Variants in MCTP2 observed in about 807,000 individuals in gnomAD.
The protein encoded by MCTP2 is multiple C2 and transmembrane domain containing 2.
In MCTP2, 132 loss-of-function variants were observed where a neutral mutation model predicts 111.6. The ratio of observed to expected loss-of-function variants is 1.18; its 90% CI spans 1.03 to 1.37. The LOEUF is 1.37. Among genes scored for constraint, MCTP2 ranks in the 40% most tolerant of loss-of-function variants. MCTP2 has a pLI of 0.00. For missense variants in MCTP2, 1,183 were observed against 1,067.9 expected, an observed-to-expected ratio of 1.11 and a Z score of -1.50; for synonymous variants, 395 against 387.7, an observed-to-expected ratio of 1.02 and a Z score of -0.22.
chr15:94,362,138 C>A (rs1397645992), intron 10 of MCTP2, among the ~76,000 whole-genome samples: 1 of 152,104 alleles, frequency 6.6e-6, no homozygotes, highest in Non-Finnish European at 1.5e-5. Flanking sequence ...AGTGTTTGTT[C>A]ATGGGCAAAA....
At chr15:94,394,049 C>CAAAAAAAAAAAAAAAAAAAAAAAAAAA in intron 14 of MCTP2, among the ~76,000 whole-genome samples, 1 of 61,776 alleles carries the variant, frequency 1.6e-5, no homozygotes, top group Non-Finnish European at 3.2e-5. Flanking sequence ...AACTCCATCT[C>CAAAAAAAAAAAAAAAAAAAAAAAAAAA]AAAAAAAAAA....
intron 17 of MCTP2, among the ~76,000 whole-genome samples, chr15:94,415,390 T>C (rs763483575): frequency 1.3e-5 from 2 of 152,194 alleles, no homozygotes; most frequent in African/African-American, 2.4e-5. Flanking sequence ...ACCGTACCGT[T>C]GTTACTTGCT....
At chr15:94,403,397 C>T (rs549167018) in intron 17 of MCTP2, 1 of 267,556 alleles carries the variant, frequency 3.7e-6, no homozygotes. Flanking sequence ...TCAAAACTTT[C>T]CATGGAATGT....
chr15:94,403,784 A>G (rs1179034499), intron 17 of MCTP2, among the ~76,000 whole-genome samples: 2 of 152,176 alleles, frequency 1.3e-5, no homozygotes, highest in Admixed American at 6.5e-5. Context: ...TGGAGAATGC[A>G]GGCTGCCATG....
At chr15:94,240,299 A>C (rs1235631921) in intron 1 of MCTP2, among the ~76,000 whole-genome samples, 2 of 152,236 alleles carry the variant, frequency 1.3e-5, no homozygotes, top group East Asian at 3.9e-4. Context: ...GAAACCTAGA[A>C]CTTGCACAAG....
At chr15:94,422,696 G>A (rs751921113) in intron 17 of MCTP2, among the ~76,000 whole-genome samples, 1 of 151,980 alleles carries the variant, frequency 6.6e-6, no homozygotes, top group Admixed American at 6.6e-5. Flanking sequence ...CCATGAACTG[G>A]TCCCCACCAA....
intron 13 of MCTP2, among the ~76,000 whole-genome samples, chr15:94,384,867 G>A (rs986814593): frequency 6.6e-6 from 1 of 152,112 alleles, no homozygotes; most frequent in African/African-American, 2.4e-5. Flanking sequence ...AGAGTCTCTT[G>A]TTTCCCTAAC....
intron 21 of MCTP2, among the ~76,000 whole-genome samples, chr15:94,474,865 T>C (rs2074226728): frequency 6.6e-6 from 1 of 151,828 alleles, no homozygotes; most frequent in Admixed American, 6.6e-5. Context: ...CTAAGTTTTT[T>C]TTTTTCAAAC....
chr15:94,398,973 C>T lies in MCTP2; in HGVS notation c.1801C>T (p.Gln601Ter), dbSNP rs773954847. The T allele has an allele frequency of 6.4e-7, 1 of 1,551,626 alleles. No individual in the cohort carries two copies. The highest frequency in any genetic ancestry group is 1.1e-5 in the South Asian group (1 of 89,556). The change falls in exon 15 of 23, where the codon CAA becomes TAA. Residue 601 changes from glutamine to a stop codon, truncating the protein, a stop_gained. Coordinates refer to ENST00000357742, the MANE Select transcript of MCTP2 (RefSeq NM_001385001.1). LOFTEE classifies it high-confidence loss of function. ...TTGTTTGTGACAGATTAGAGATGGA[C>T]AACCGAATTGTTATGTACTAAAGAA... ...AIPLLSIRDG[Q>*]PNCYVLKNKD... is the part of the protein sequence containing the mutation.
At position 94,455,735 on chromosome 15, in the gene MCTP2, T is replaced by C. The variant is rs116143965; in HGVS notation, c.2251-2402T>C. ...CCACCATGCCCAGCTTCAGAAAGTA[T>C]TATTAAAAGTATAGTCTACAGTGGA... On this transcript the variant is annotated intron_variant, in intron 19 of 22. Transcript: ENST00000357742. Among the ~76,000 whole-genome samples the C allele has an allele frequency of 7.6e-3, 1,160 of 152,296 alleles. 16 individuals carry two copies. The highest frequency in any genetic ancestry group is 0.027 in the African/African-American group (1,105 of 41,554).
At chr15:94,440,980 C>T (rs1337693907) in intron 18 of MCTP2, among the ~76,000 whole-genome samples, 1 of 152,092 alleles carries the variant, frequency 6.6e-6, no homozygotes, top group East Asian at 1.9e-4. Context: ...TCTAGGTGGC[C>T]AGGAACTTGT....
intron 17 of MCTP2, among the ~76,000 whole-genome samples, chr15:94,426,120 CAG>C (rs879822326): frequency 8.4e-4 from 107 of 128,072 alleles, no homozygotes; most frequent in Non-Finnish European, 8.0e-4. Context: ...TCTGAGATGC[CAG>C]AGAGAGAGAG....
At chr15:94,472,163 A>C (rs1262703037) in intron 21 of MCTP2, among the ~76,000 whole-genome samples, 1 of 152,240 alleles carries the variant, frequency 6.6e-6, no homozygotes, top group East Asian at 1.9e-4. Context: ...AGATCACCCG[A>C]GGTCAGGAGT....
chr15:94,360,010 T>C (rs2078838478), intron 10 of MCTP2, among the ~76,000 whole-genome samples: 1 of 152,134 alleles, frequency 6.6e-6, no homozygotes, highest in African/African-American at 2.4e-5. Flanking sequence ...CTGATACCAG[T>C]AACTTTCCTT....
intron 12 of MCTP2, among the ~76,000 whole-genome samples, chr15:94,377,996 A>G (rs1021738774): frequency 6.6e-6 from 1 of 152,148 alleles, no homozygotes; most frequent in African/African-American, 2.4e-5. Context: ...GAGGATGTTC[A>G]TGTCTTAGGT....
At chr15:94,235,005 A>T (rs937152300) in intron 1 of MCTP2, among the ~76,000 whole-genome samples, 1 of 152,146 alleles carries the variant, frequency 6.6e-6, no homozygotes, top group Non-Finnish European at 1.5e-5. Context: ...TAATCCCAGC[A>T]CTTTGGGAGG....
chr15:94,406,492 G>A (rs2081902588), intron 17 of MCTP2, among the ~76,000 whole-genome samples: 2 of 152,186 alleles, frequency 1.3e-5, no homozygotes, highest in East Asian at 3.8e-4. Context: ...TATGTGTGGG[G>A]ATTAAGCCTG....
At chr15:94,257,557 A>T (rs1181780069) in intron 1 of MCTP2, among the ~76,000 whole-genome samples, 78 of 68,386 alleles carry the variant, frequency 1.1e-3, no homozygotes, top group Non-Finnish European at 1.6e-3. Context: ...ATTTGTTGTC[A>T]TTTTCTTTGT....
At chr15:94,461,989 T>A (rs1245222064) in intron 20 of MCTP2, among the ~76,000 whole-genome samples, 3 of 152,104 alleles carry the variant, frequency 2.0e-5, no homozygotes, top group Non-Finnish European at 4.4e-5. Flanking sequence ...TGTAGAACCA[T>A]GCATATGTGA....
Sources: gnomAD v4.1 joint callset for allele counts (sites outside exome capture counted in the v4.1 genomes callset) on GRCh38, gnomAD v4.1.1 for gene constraint, MANE v1.5 for transcripts, NCBI Gene and HGNC (gene_info 2026-07-23, HGNC 2026-07-21) for gene names.